RPTOR: variants seen among roughly 807,000 people sequenced by gnomAD.
The protein encoded by RPTOR is regulatory-associated protein of mTOR.
RPTOR carries 21 observed loss-of-function variants against 169.9 expected under a neutral mutation model. The observed-to-expected ratio is 0.12, with a 90% CI of 0.09 to 0.18. The LOEUF is 0.18. Ranked by LOEUF, RPTOR falls within the 10% of genes least tolerant of loss-of-function variation. The probability of loss-of-function intolerance (pLI) is 1.00; values close to 1 mark genes in which losing one functional copy is unlikely to be tolerated. For missense variants in RPTOR, 1,133 were observed against 1,855.9 expected (o/e 0.61, Z 7.16); for synonymous variants, 732 against 753.2 (o/e 0.97, Z 0.46).
intron 20 of RPTOR, among the ~76,000 whole-genome samples, chr17:80,896,840 T>C (rs7210331): frequency 0.73 from 110,689 of 152,162 alleles, 40,656 homozygotes; most frequent in Admixed American, 0.79. Context: ...TCCATTTACT[T>C]AAGTCTTCTT....
chr17:80,883,867 C>T lies in RPTOR; in HGVS notation c.1737C>T (p.Ile579=). Residue 579 remains isoleucine, a synonymous_variant, in exon 16 of 34, where the codon ATC becomes ATT. Coordinates refer to ENST00000306801, the MANE Select transcript of RPTOR (RefSeq NM_020761.3). ...CCTTGCTGCGCCAGTGGGTGGCCAT[C>T]TGCCTCGGCAGGATCTGGCAGAACT... ...PHPLLRQWVA[I]CLGRIWQNFD... 1 of 1,613,776 alleles carries T rather than the reference C, an allele frequency of 6.2e-7. No individual in the cohort carries two copies. Among genetic ancestry groups the T allele is most frequent in the Non-Finnish European group, 8.5e-7 (1 of 1,180,042 alleles).
chr17:80,656,696 G>T (rs1041196050), intron 3 of RPTOR, among the ~76,000 whole-genome samples: 1 of 152,238 alleles, frequency 6.6e-6, no homozygotes, highest in Non-Finnish European at 1.5e-5. Context: ...ACATTTGTCT[G>T]TAGGTTCTTT....
At position 80,880,485 on chromosome 17, in the gene RPTOR, T is replaced by C. The variant is rs1273435609; in HGVS notation, c.1580T>C (p.Met527Thr). The change falls in exon 14 of 34, where the codon ATG (methionine) becomes ACG (threonine). Residue 527 changes from methionine (M) to threonine (T), a missense_variant. Around this residue, in one of 9 missense-constraint regions of RPTOR, gnomAD observed 289 missense variants for 585.8 expected, o/e 0.49. Coordinates refer to ENST00000306801, the MANE Select transcript of RPTOR (RefSeq NM_020761.3). Reference protein sequence around the residue: ...YFLSVLADPYMPAEHRTMTAF... With the variant: ...YFLSVLADPYTPAEHRTMTAF... Reference sequence around the variant, plus strand: ...CTGTCGGTCCTGGCGGACCCCTACATGCCAGTAAGGACGGGGCAGCACGCT... The same window carrying C: ...CTGTCGGTCCTGGCGGACCCCTACACGCCAGTAAGGACGGGGCAGCACGCT... 6.2e-7 allele frequency: 1 copy of C among 1,613,572 alleles called. No individual in the cohort carries two copies. Among genetic ancestry groups the C allele is most frequent in the Admixed American group, 1.7e-5 (1 of 60,028 alleles).
At chr17:80,840,755 A>C (rs1215949042) in intron 10 of RPTOR, among the ~76,000 whole-genome samples, 4 of 106,146 alleles carry the variant, frequency 3.8e-5, no homozygotes, top group Non-Finnish European at 7.5e-5. Flanking sequence ...GCTCACTCTC[A>C]CCACACGGCA....
rs555237436 is a variant in RPTOR at position 80,768,151 on chromosome 17, C to T, written c.830+13966C>T. On this transcript the variant is annotated intron_variant, in intron 6 of 33. Transcript: ENST00000306801. The stretch of plus-strand genomic sequence containing the variant: ...TGCTGGGATTACAGGCGTGAGCCAC[C>T]GCGCCTGACCACGTGAATTTTTTTT... Among the ~76,000 whole-genome samples, 16 of 152,288 alleles carry T rather than the reference C, an allele frequency of 1.1e-4. No homozygotes were observed. The South Asian group carries it at 3.1e-3, about 30-fold the overall frequency.
chr17:80,815,627 T>TAAATCA (rs1458348689), intron 7 of RPTOR, among the ~76,000 whole-genome samples: 1 of 152,260 alleles, frequency 6.6e-6, no homozygotes, highest in East Asian at 1.9e-4. Context: ...GAGATTGATT[T>TAAATCA]ATGTCAAGGA....
At chr17:80,963,207 A>G (rs1009382389) in intron 33 of RPTOR, 150 bp downstream of exon 33, 5 of 761,730 alleles carry the variant, frequency 6.6e-6, no homozygotes, top group Non-Finnish European at 1.1e-5. Context: ...CCTGGGTCCC[A>G]GGATCTCTAG....
chr17:80,841,938 C>T lies in RPTOR; in HGVS notation c.1212+3941C>T, dbSNP rs530724994. Among the ~76,000 whole-genome samples, 73 of 147,390 alleles carry T rather than the reference C, an allele frequency of 5.0e-4. 3 individuals are homozygous for T. Among genetic ancestry groups the T allele is most frequent in the African/African-American group, 1.8e-3 (70 of 39,338 alleles). On this transcript the variant is annotated intron_variant, in intron 10 of 33. Transcript: ENST00000306801. ...CGCACGGCAGCTCACACTCACCGCACGGCAGCTCACACTCACCGCACGGCA... is the reference window on the plus strand; with the variant it reads ...CGCACGGCAGCTCACACTCACCGCATGGCAGCTCACACTCACCGCACGGCA...
At chr17:80,762,405 G>C (rs538613053) in intron 6 of RPTOR, among the ~76,000 whole-genome samples, 1 of 152,318 alleles carries the variant, frequency 6.6e-6, no homozygotes, top group African/African-American at 2.4e-5. Context: ...AGACAGTGGA[G>C]CTGGCGAGGG....
At chr17:80,758,579 A>T (rs183095117) in intron 6 of RPTOR, among the ~76,000 whole-genome samples, 25 of 152,312 alleles carry the variant, frequency 1.6e-4, no homozygotes, top group Admixed American at 8.5e-4. Context: ...CTGGTAAAAG[A>T]TTAGGGCAGA....
intron 3 of RPTOR, among the ~76,000 whole-genome samples, chr17:80,697,042 A>G (rs2066043063): frequency 6.6e-6 from 1 of 152,168 alleles, no homozygotes; most frequent in South Asian, 2.1e-4. Context: ...TCTTTCTGGT[A>G]CCAGCACTTG....
In RPTOR at chr17:80,904,342, G is replaced by A. The variant is rs144746011; in HGVS notation, c.2402-4469G>A. Among the ~76,000 whole-genome samples, 1,147 of 152,260 alleles carry A rather than the reference G, an allele frequency of 7.5e-3. 14 individuals are homozygous for A. Among genetic ancestry groups the A allele is most frequent in the African/African-American group, 0.026 (1,077 of 41,544 alleles). ...GTGAGCACATCAGAGGGCGTAACCC[G>A]CTCTGCCAACCCCTCAGCCTTGGGG... On this transcript the variant is annotated intron_variant, in intron 20 of 33. Coordinates refer to ENST00000306801, the MANE Select transcript of RPTOR (RefSeq NM_020761.3).
intron 6 of RPTOR, among the ~76,000 whole-genome samples, chr17:80,791,163 ATCTCGGCGCTCC>A (rs2067043769): frequency 1.3e-5 from 2 of 152,202 alleles, no homozygotes. Context: ...TTTATTAAGC[ATCTCGGCGCTCC>A]TCTCCAGGGA....
At chr17:80,564,608 C>CT (rs11326960) in intron 1 of RPTOR, among the ~76,000 whole-genome samples, 4,336 of 147,916 alleles carry the variant, frequency 0.029, 243 homozygotes, top group African/African-American at 0.1. Flanking sequence ...TACCCAACAG[C>CT]TTTTTTTTTT....
intron 1 of RPTOR, chr17:80,602,746 C>T (rs2065199495): frequency 2.6e-6 from 2 of 760,876 alleles, no homozygotes; most frequent in African/African-American, 3.4e-5. Flanking sequence ...ATGCACACAT[C>T]TGGAGTTGCC....
chr17:80,553,674 T>C lies in RPTOR; in HGVS notation c.162+7883T>C, dbSNP rs11871623. The stretch of plus-strand genomic sequence containing the variant: ...TATAAAATCATCCATAGGTAAAAGA[T>C]CCGTTCAATGTTAGACCAGTGGATT... On this transcript the variant is annotated intron_variant, in intron 1 of 33. Coordinates refer to ENST00000306801, the MANE Select transcript of RPTOR (RefSeq NM_020761.3). 8.0e-3 allele frequency among the ~76,000 whole-genome samples: 1,222 copies of C among 152,186 alleles called. 24 individuals are homozygous for C. The highest frequency in any genetic ancestry group is 0.028 in the African/African-American group (1,159 of 41,522).
chr17:80,840,930 GCTCA>G (rs1406765969), intron 10 of RPTOR, among the ~76,000 whole-genome samples: 5 of 107,298 alleles, frequency 4.7e-5, no homozygotes, highest in Non-Finnish European at 7.2e-5. Context: ...CCACACGGCA[GCTCA>G]CTCTCTCTGC....
At chr17:80,798,702 G>C (rs2589139) in intron 7 of RPTOR, among the ~76,000 whole-genome samples, 37,514 of 152,100 alleles carry the variant, frequency 0.25, 5,039 homozygotes, top group Non-Finnish European at 0.31. Flanking sequence ...TGAGCCAAGG[G>C]GGGGCCAAGG....
chr17:80,840,263 ATTGT>A (rs2067612884), intron 10 of RPTOR, among the ~76,000 whole-genome samples: 3 of 151,938 alleles, frequency 2.0e-5, no homozygotes, highest in Admixed American at 2.0e-4. Context: ...GTCACTCAGC[ATTGT>A]TTGAGTAAGC....
Sources: allele counts gnomAD v4.1 joint callset (sites outside exome capture counted in the v4.1 genomes callset), GRCh38; gene constraint gnomAD v4.1.1; regional missense constraint gnomAD v4.1.1; transcripts MANE v1.5; gene names NCBI Gene and HGNC (gene_info 2026-07-23, HGNC 2026-07-21).